CFI: variants seen among roughly 807,000 people sequenced by gnomAD.
CFI encodes the protein C3B/C4B inactivator.
CFI carries 66 observed loss-of-function variants against 78.8 expected under a neutral mutation model. The ratio of observed to expected loss-of-function variants is 0.84; its 90% CI spans 0.69 to 1.03. The LOEUF (loss-of-function observed/expected upper bound fraction) is 1.03, where lower values mean the gene tolerates loss of function less well. CFI is among the 50% of genes least tolerant of loss of function. The pLI, the probability that CFI is intolerant of heterozygous loss-of-function variation, is 0.00. For missense variants in CFI, 706 were observed against 704.5 expected, an observed-to-expected ratio of 1.00 and a Z score of -0.02; for synonymous variants, 250 against 232.6, an observed-to-expected ratio of 1.07 and a Z score of -0.68.
intron 11 of CFI, among the ~76,000 whole-genome samples, chr4:109,745,966 G>A (rs957777351): frequency 1.3e-5 from 2 of 152,062 alleles, no homozygotes; most frequent in African/African-American, 4.8e-5. Flanking sequence ...TGTGGAATGG[G>A]GCCATTTCAA....
At chr4:109,739,126 G>T (rs76748074), downstream of CFI, among the ~76,000 whole-genome samples, 1 of 151,970 alleles carries the variant, frequency 6.6e-6, no homozygotes, top group Non-Finnish European at 1.5e-5. Flanking sequence ...AAGAAAATCT[G>T]GGCAGTAACT....
intron 1 of CFI, among the ~76,000 whole-genome samples, chr4:109,796,903 C>A (rs192137871): frequency 3.3e-5 from 5 of 152,162 alleles, no homozygotes; most frequent in Non-Finnish European, 1.5e-5. Context: ...GACTGTAAAA[C>A]ACTGATGAAA....
chr4:109,757,260 T>G (rs1160355182), intron 7 of CFI, among the ~76,000 whole-genome samples: 1 of 145,742 alleles, frequency 6.9e-6, no homozygotes, highest in East Asian at 2.0e-4. Context: ...GGTCTCAATC[T>G]CCTGACCTCG....
rs1207249010 is a variant in CFI at position 109,752,706 on chromosome 4, A to G, written c.905-203T>C. 3.3e-5 allele frequency among the ~76,000 whole-genome samples: 5 copies of G among 150,738 alleles called. No homozygotes were observed. The East Asian group carries it at 5.8e-4, about 17-fold the overall frequency. Reference sequence around the variant, plus strand: ...ATTGTAAAGGCTCAAGATGCACTGTATAGAAATTCTTGCTGGCACAAACTA... The same window carrying G: ...ATTGTAAAGGCTCAAGATGCACTGTGTAGAAATTCTTGCTGGCACAAACTA... On this transcript the variant is annotated intron_variant, in intron 7 of 12. Transcript: ENST00000394634.
At chr4:109,780,172 T>C (rs1729816794) in intron 1 of CFI, among the ~76,000 whole-genome samples, 1 of 152,016 alleles carries the variant, frequency 6.6e-6, no homozygotes, top group Non-Finnish European at 1.5e-5. Flanking sequence ...AAAGAGCTTC[T>C]GCACAGGAAA....
At chr4:109,778,421 A>C (rs1579275392) in intron 1 of CFI, among the ~76,000 whole-genome samples, 1 of 152,326 alleles carries the variant, frequency 6.6e-6, no homozygotes, top group East Asian at 1.9e-4. Context: ...CCCTCCCAAG[A>C]CTAAACTACA....
intron 7 of CFI, among the ~76,000 whole-genome samples, chr4:109,755,759 T>C (rs1460272160): frequency 6.6e-6 from 1 of 152,176 alleles, no homozygotes; most frequent in Non-Finnish European, 1.5e-5. Flanking sequence ...GTCTGTGGTA[T>C]TGTGTTATAG....
chr4:109,755,462 A>C (rs1466240872), intron 7 of CFI, among the ~76,000 whole-genome samples: 1 of 152,146 alleles, frequency 6.6e-6, no homozygotes, highest in African/African-American at 2.4e-5. Flanking sequence ...CCAACACAAC[A>C]GTGTTGGGAA....
intron 1 of CFI, among the ~76,000 whole-genome samples, chr4:109,796,927 G>A (rs1017541213): frequency 2.0e-5 from 3 of 152,226 alleles, no homozygotes; most frequent in African/African-American, 7.2e-5. Context: ...ATTAAAGTAG[G>A]CACAAAGAAA....
chr4:109,792,425 A>G (rs1374234019), intron 1 of CFI, among the ~76,000 whole-genome samples: 2 of 152,076 alleles, frequency 1.3e-5, no homozygotes, highest in Non-Finnish European at 2.9e-5. Flanking sequence ...AAAATACACA[A>G]ATTAGCCGGG....
intron 1 of CFI, among the ~76,000 whole-genome samples, chr4:109,772,300 G>A (rs1217929460): frequency 6.6e-6 from 1 of 152,252 alleles, no homozygotes; most frequent in Admixed American, 6.5e-5. Context: ...AATATGAGCT[G>A]ATGATCTTTG....
chr4:109,755,374 A>G (rs190795584), intron 7 of CFI, among the ~76,000 whole-genome samples: 1 of 152,244 alleles, frequency 6.6e-6, no homozygotes, highest in Non-Finnish European at 1.5e-5. Flanking sequence ...CAAATTAAGG[A>G]TATGCATACT....
intron 1 of CFI, among the ~76,000 whole-genome samples, chr4:109,769,301 C>T (rs999875605): frequency 1.3e-5 from 2 of 152,182 alleles, no homozygotes; most frequent in African/African-American, 2.4e-5. Flanking sequence ...ATGTTTAGTT[C>T]CAGGAATAGT....
chr4:109,756,014 A>C (rs1726086124), intron 7 of CFI, among the ~76,000 whole-genome samples: 1 of 151,884 alleles, frequency 6.6e-6, no homozygotes, highest in Admixed American at 6.6e-5. Flanking sequence ...AAAAGAAAAA[A>C]AGGAAATAGA....
intron 2 of CFI, among the ~76,000 whole-genome samples, chr4:109,765,842 C>T (rs191615574): frequency 1.6e-3 from 239 of 152,114 alleles, no homozygotes; most frequent in Middle Eastern, 0.014. Flanking sequence ...GGGTAGGCCA[C>T]GCATGGTGGC....
intron 7 of CFI, among the ~76,000 whole-genome samples, chr4:109,755,841 T>C (rs2126205481): frequency 6.6e-6 from 1 of 152,336 alleles, no homozygotes; most frequent in South Asian, 2.1e-4. Context: ...AAGGAGAGGA[T>C]ATTCATCACA....
Position 109,749,561 on chromosome 4 carries a change from C to T in CFI, c.982G>A (p.Gly328Arg), listed in dbSNP as rs144164794. 47 of 1,612,250 alleles carry T rather than the reference C, an allele frequency of 2.9e-5. 1 individual carries two copies. Among genetic ancestry groups the T allele is most frequent in the Non-Finnish European group, 3.1e-5 (36 of 1,178,446 alleles). Residue 328 changes from glycine (G) to arginine (R), a missense_variant, in exon 9 of 13, where the codon GGA (glycine) becomes AGA (arginine). By Grantham distance (125) the Gly-to-Arg change is moderately radical. Coordinates refer to ENST00000394634, the MANE Select transcript of CFI (RefSeq NM_000204.5). ...CGAATGTGCATTCTGTTTTTAACTC[C>T]ACAAGATAGTTTAGGTAATAATGAT... ...IKSLLPKLSCGVKNRMHIRRK... is the reference protein window; with the variant it reads ...IKSLLPKLSCRVKNRMHIRRK...
At chr4:109,777,466 AC>A (rs754239345) in intron 1 of CFI, among the ~76,000 whole-genome samples, 1 of 152,194 alleles carries the variant, frequency 6.6e-6, no homozygotes, top group Non-Finnish European at 1.5e-5. Flanking sequence ...ATACAGGAAC[AC>A]CCAGATTCAT....
At chr4:109,748,883 T>C (rs1201314316) in intron 10 of CFI, among the ~76,000 whole-genome samples, 1 of 152,096 alleles carries the variant, frequency 6.6e-6, no homozygotes, top group African/African-American at 2.4e-5. Flanking sequence ...AGCCACACAG[T>C]AAAGAAAATA....
Sources: gnomAD v4.1 joint callset for allele counts (sites outside exome capture counted in the v4.1 genomes callset) on GRCh38, gnomAD v4.1.1 for gene constraint, MANE v1.5 for transcripts, NCBI Gene and HGNC (gene_info 2026-07-23, HGNC 2026-07-21) for gene names.